The following TNIK variants were observed in gnomAD, a reference collection of about 807,000 sequenced individuals.
The protein encoded by TNIK is TRAF2 and NCK-interacting protein kinase.
TNIK carries 49 observed loss-of-function variants against 191.3 expected under a neutral mutation model. That is an observed-to-expected ratio of 0.26 (90% CI 0.20 to 0.32). The LOEUF (loss-of-function observed/expected upper bound fraction) is 0.32, where lower values mean the gene tolerates loss of function less well. Among genes scored for constraint, TNIK ranks in the 10% least tolerant of loss-of-function variants. The pLI is 1.00. For missense variants in TNIK, 1,155 were observed against 1,702.3 expected, an observed-to-expected ratio of 0.68 and a Z score of 5.66; for synonymous variants, 594 against 600.9, an observed-to-expected ratio of 0.99 and a Z score of 0.17.
At chr3:171,226,944 A>G (rs2108983750) in intron 3 of TNIK, among the ~76,000 whole-genome samples, 1 of 152,012 alleles carries the variant, frequency 6.6e-6, no homozygotes, top group East Asian at 1.9e-4. Context: ...TTTCTTATTT[A>G]TTTATTTTTT....
chr3:171,207,915 G>A (rs1022617907), intron 4 of TNIK, among the ~76,000 whole-genome samples: 7 of 152,202 alleles, frequency 4.6e-5, no homozygotes, highest in Non-Finnish European at 8.8e-5. Context: ...AAATGCTGCA[G>A]AGGGAAGCAA....
intron 2 of TNIK, among the ~76,000 whole-genome samples, chr3:171,363,110 G>C (rs1209051079): frequency 6.6e-6 from 1 of 152,176 alleles, no homozygotes; most frequent in African/African-American, 2.4e-5. Flanking sequence ...CAACTTAGGG[G>C]TGCTGCTGCT....
intron 30 of TNIK, 50 bp from the exon 31 acceptor site, chr3:171,066,785 C>T: frequency 6.4e-7 from 1 of 1,567,984 alleles, no homozygotes; most frequent in Non-Finnish European, 8.7e-7. Flanking sequence ...AATAAAACAC[C>T]TTGACTATTC....
intron 2 of TNIK, among the ~76,000 whole-genome samples, chr3:171,286,300 T>G (rs1751003873): frequency 6.6e-6 from 1 of 152,222 alleles, no homozygotes; most frequent in Non-Finnish European, 1.5e-5. Context: ...GGACAATTCA[T>G]GAATGCCCTG....
Position 171,339,662 on chromosome 3 carries a change from C to T in TNIK, c.123+29958G>A, listed in dbSNP as rs546154319. Among the ~76,000 whole-genome samples the T allele has an allele frequency of 3.3e-5, 5 of 152,370 alleles. No individual in the cohort carries two copies. The East Asian group carries it at 9.6e-4, about 29-fold the overall frequency. On this transcript the variant is annotated intron_variant, in intron 2 of 32. Coordinates refer to ENST00000436636, the MANE Select transcript of TNIK (RefSeq NM_015028.4). ...TGGCTGATGGCCAGGCTGCTTCTCA[C>T]TAGACTTCCTCCCTCTTTTCTCAGT... is the stretch of plus-strand genomic sequence containing the variant.
intron 1 of TNIK, among the ~76,000 whole-genome samples, chr3:171,411,885 AG>A (rs1722473783): frequency 6.6e-6 from 1 of 152,230 alleles, no homozygotes; most frequent in South Asian, 2.1e-4. Flanking sequence ...GAACACACAA[AG>A]GATGGGGCGA....
intron 12 of TNIK, among the ~76,000 whole-genome samples, chr3:171,142,638 C>T (rs1036720859): frequency 3.9e-5 from 6 of 152,154 alleles, no homozygotes; most frequent in South Asian, 2.1e-4. Context: ...AAGTCCCAGA[C>T]ATGCAAGTAT....
chr3:171,317,386 C>G (rs555680250), intron 2 of TNIK, among the ~76,000 whole-genome samples: 3 of 152,160 alleles, frequency 2.0e-5, no homozygotes, highest in South Asian at 4.1e-4. Context: ...GGGAGAGACA[C>G]TCCAGCTATC....
chr3:171,423,201 G>A (rs1279254490), intron 1 of TNIK, among the ~76,000 whole-genome samples: 1 of 152,042 alleles, frequency 6.6e-6, no homozygotes, highest in African/African-American at 2.4e-5. Flanking sequence ...GACAAACAGA[G>A]AGCCAAATCA....
intron 2 of TNIK, 115 bp from the exon 3 acceptor site, chr3:171,228,336 G>C: frequency 9.9e-7 from 1 of 1,012,660 alleles, no homozygotes; most frequent in Non-Finnish European, 1.5e-6. Context: ...AATGGGGGGA[G>C]AGAGAAAGAC....
chr3:171,453,509 C>G (rs1181237470), intron 1 of TNIK, among the ~76,000 whole-genome samples: 1 of 152,142 alleles, frequency 6.6e-6, no homozygotes, highest in Non-Finnish European at 1.5e-5. Context: ...GGAGGCCCCT[C>G]TGAATTGCCG....
At chr3:171,453,517 C>A (rs1241579069) in intron 1 of TNIK, among the ~76,000 whole-genome samples, 1 of 151,856 alleles carries the variant, frequency 6.6e-6, no homozygotes, top group African/African-American at 2.4e-5. Flanking sequence ...CTCTGAATTG[C>A]CGCTGGTCTT....
intron 2 of TNIK, among the ~76,000 whole-genome samples, chr3:171,236,158 C>G (rs530434260): frequency 6.6e-6 from 1 of 152,208 alleles, no homozygotes; most frequent in Admixed American, 6.5e-5. Context: ...CCAAATCACA[C>G]TGGAAAACAT....
At chr3:171,240,861 G>A (rs1744877729) in intron 2 of TNIK, among the ~76,000 whole-genome samples, 1 of 152,068 alleles carries the variant, frequency 6.6e-6, no homozygotes, top group South Asian at 2.1e-4. Flanking sequence ...CCTGCTCTAG[G>A]AGGGAAATGT....
chr3:171,155,147 A>C (rs1185954290), intron 12 of TNIK, among the ~76,000 whole-genome samples: 1 of 152,218 alleles, frequency 6.6e-6, no homozygotes, highest in Non-Finnish European at 1.5e-5. Flanking sequence ...CTCGCAGTGA[A>C]ATACTCAAGC....
At chr3:171,223,648 C>T (rs956578414) in intron 3 of TNIK, among the ~76,000 whole-genome samples, 23 of 152,108 alleles carry the variant, frequency 1.5e-4, no homozygotes, top group African/African-American at 5.6e-4. Flanking sequence ...TAAAATGGGG[C>T]TAATCATGGA....
At chr3:171,236,067 C>G (rs988000629) in intron 2 of TNIK, among the ~76,000 whole-genome samples, 1 of 152,144 alleles carries the variant, frequency 6.6e-6, no homozygotes, top group Non-Finnish European at 1.5e-5. Context: ...GAACAGAAAG[C>G]CCCTCAAAGG....
chr3:171,352,841 G>A (rs1445939256), intron 2 of TNIK, among the ~76,000 whole-genome samples: 1 of 152,132 alleles, frequency 6.6e-6, no homozygotes, highest in East Asian at 1.9e-4. Flanking sequence ...TTTTGCCCAA[G>A]TCTCCTCTCT....
chr3:171,318,246 T>C (rs561610624), intron 2 of TNIK, among the ~76,000 whole-genome samples: 45 of 152,286 alleles, frequency 3.0e-4, no homozygotes, highest in Non-Finnish European at 5.9e-4. Context: ...GACAGTTGCA[T>C]AATTATTTAA....
Sources: allele counts gnomAD v4.1 joint callset (sites outside exome capture counted in the v4.1 genomes callset), GRCh38; gene constraint gnomAD v4.1.1; transcripts MANE v1.5; gene names NCBI Gene and HGNC (gene_info 2026-07-23, HGNC 2026-07-21).